AXDND1: variants seen among roughly 807,000 people sequenced by gnomAD.
AXDND1 encodes axonemal dynein light chain domain containing 1.
AXDND1 carries 110 observed loss-of-function variants against 137.5 expected under a neutral mutation model. The ratio of observed to expected loss-of-function variants is 0.80; its 90% CI spans 0.69 to 0.94. The LOEUF (loss-of-function observed/expected upper bound fraction) is 0.94, where lower values mean the gene tolerates loss of function less well. AXDND1 is among the 40% of genes least tolerant of loss of function. The probability of loss-of-function intolerance (pLI) is 0.00; values close to 1 mark genes in which losing one functional copy is unlikely to be tolerated. For missense variants in AXDND1, 1,191 were observed against 1,169.8 expected (o/e 1.02, Z -0.26); for synonymous variants, 414 against 399.7 (o/e 1.04, Z -0.43).
At chr1:179,377,281 T>A (rs1647425764) in intron 4 of AXDND1, among the ~76,000 whole-genome samples, 1 of 152,204 alleles carries the variant, frequency 6.6e-6, no homozygotes, top group Non-Finnish European at 1.5e-5. Flanking sequence ...TAGAATCAGT[T>A]CCATGAGGGT....
chr1:179,533,908 A>C (rs775463499), intron 24 of AXDND1, 31 bp downstream of exon 24: 3 of 1,587,168 alleles, frequency 1.9e-6, no homozygotes, highest in Non-Finnish European at 2.6e-6. Flanking sequence ...TGGTAAGAGG[A>C]TGAAAATGGC....
At position 179,433,448 on chromosome 1, in the gene AXDND1, G is replaced by T. The variant is rs184463372; in HGVS notation, c.1563+1106G>T. ...TTTTGCTTCTCCAGTTATTCTAATT[G>T]TGATGTTAGGGTGTTGATTTGAGAT... is the stretch of plus-strand genomic sequence containing the variant. On this transcript the variant is annotated intron_variant, in intron 15 of 25. Coordinates refer to ENST00000367618, the MANE Select transcript of AXDND1 (RefSeq NM_144696.6). Among the ~76,000 whole-genome samples, 802 of 152,218 alleles carry T rather than the reference G, an allele frequency of 5.3e-3. 9 individuals carry two copies. Among genetic ancestry groups the T allele is most frequent in the African/African-American group, 0.019 (778 of 41,514 alleles).
At chr1:179,538,494 G>T (rs2125718287) in intron 25 of AXDND1, among the ~76,000 whole-genome samples, 1 of 152,274 alleles carries the variant, frequency 6.6e-6, no homozygotes, top group East Asian at 1.9e-4. Context: ...CCATGTTGTT[G>T]TGTGGTTTTG....
At chr1:179,392,050 G>A (rs933875615) in intron 9 of AXDND1, among the ~76,000 whole-genome samples, 15 of 152,130 alleles carry the variant, frequency 9.9e-5, no homozygotes, top group African/African-American at 2.7e-4. Flanking sequence ...AGCGCTGTGA[G>A]AATGGACTAA....
chr1:179,366,276 C>T lies in AXDND1; in HGVS notation c.-106-128C>T, dbSNP rs1667385915. On this transcript the variant is annotated intron_variant, in intron 1 of 25. Coordinates refer to ENST00000367618, the MANE Select transcript of AXDND1 (RefSeq NM_144696.6). The stretch of plus-strand genomic sequence containing the variant: ...GCTTCTTAGTCGCTACACATAACCC[C>T]AGAACATAGAGGTCGCCCCGAAGAA... 2.3e-5 allele frequency: 9 copies of T among 387,150 alleles called. No individual in the cohort carries two copies. In the South Asian group the frequency reaches 2.4e-4, roughly 10 times the overall value. 24.0% of individuals were successfully genotyped at this position (387,150 alleles called of 1,614,324 possible).
chr1:179,423,640 G>A (rs529909011), intron 12 of AXDND1, among the ~76,000 whole-genome samples: 119 of 151,676 alleles, frequency 7.8e-4, no homozygotes, highest in African/African-American at 2.9e-3. Context: ...AAAAAACATT[G>A]TATAACAGGT....
chr1:179,457,443 A>G (rs1392803482), intron 16 of AXDND1: 1 of 270,758 alleles, frequency 3.7e-6, no homozygotes, highest in Non-Finnish European at 7.1e-6. Flanking sequence ...ACTCAGGATT[A>G]TTTAGAAGAT....
intron 11 of AXDND1, among the ~76,000 whole-genome samples, chr1:179,399,569 T>A (rs111683235): frequency 2.0e-4 from 31 of 152,232 alleles, no homozygotes; most frequent in African/African-American, 7.0e-4. Flanking sequence ...AACAAAGATA[T>A]ATATCTGGGA....
At chr1:179,418,856 C>T (rs893598470) in intron 12 of AXDND1, among the ~76,000 whole-genome samples, 11 of 151,834 alleles carry the variant, frequency 7.2e-5, no homozygotes, top group Non-Finnish European at 1.0e-4. Flanking sequence ...CCTCACTTCT[C>T]AGACGGGGCT....
Position 179,366,521 on chromosome 1 carries a change from G to C in AXDND1, c.12G>C (p.Pro4=). 1 of 1,612,884 alleles carries C rather than the reference G, an allele frequency of 6.2e-7. No individual in the cohort carries two copies. Among genetic ancestry groups the C allele is most frequent in the Non-Finnish European group, 8.5e-7 (1 of 1,179,104 alleles). Residue 4 remains proline (P), a synonymous_variant, in exon 2 of 26, where the codon CCG becomes CCC. Transcript: ENST00000367618. ...AGGCATTGTTTATTATGTCTCTCCCGAAAACGCCCTCCACCCCGCTAAACT... is the reference window on the plus strand; with the variant it reads ...AGGCATTGTTTATTATGTCTCTCCCCAAAACGCCCTCCACCCCGCTAAACT... The part of the protein sequence containing the change: MSL[P]KTPSTPLNST...
chr1:179,366,569 A>G lies in AXDND1; in HGVS notation c.60A>G (p.Lys20=), dbSNP rs1344077870. The part of the protein sequence containing the change: ...PLNSTSTSES[K]KLKVSVAKEG... Reference sequence around the variant, plus strand: ...ACTCTACATCAACATCTGAGAGCAAAAAGTTAAAAGTGTCTGTAGCCAAGG... The same window carrying G: ...ACTCTACATCAACATCTGAGAGCAAGAAGTTAAAAGTGTCTGTAGCCAAGG... Residue 20 remains lysine, a synonymous_variant, in exon 2 of 26, where the codon AAA becomes AAG. Coordinates refer to ENST00000367618, the MANE Select transcript of AXDND1 (RefSeq NM_144696.6). 2 of 1,613,672 alleles carry G rather than the reference A, an allele frequency of 1.2e-6. No homozygotes were observed. Among genetic ancestry groups the G allele is most frequent in the African/African-American group, 1.3e-5 (1 of 74,898 alleles).
Position 179,552,638 on chromosome 1 carries a change from C to T in AXDND1, c.3032-1874C>T, listed in dbSNP as rs769104577. 4 of 1,614,002 alleles carry T rather than the reference C, an allele frequency of 2.5e-6. No individual in the cohort carries two copies. The South Asian group carries it at 4.4e-5, about 18-fold the overall frequency. On this transcript the variant is annotated intron_variant, in intron 25 of 25. Transcript: ENST00000367618. ...GCTTGTCTTTGCGCTTCAGCCTCCA[C>T]AGCCAGTGAGTGCTGAAGCCCAGCT... is the stretch of plus-strand genomic sequence containing the variant.
At chr1:179,459,345 AT>A in intron 16 of AXDND1, among the ~76,000 whole-genome samples, 1 of 152,288 alleles carries the variant, frequency 6.6e-6, no homozygotes, top group Non-Finnish European at 1.5e-5. Context: ...AAAATTATAT[AT>A]GTAATATAAT....
chr1:179,470,354 T>C (rs1172829450), intron 17 of AXDND1, among the ~76,000 whole-genome samples: 2 of 152,142 alleles, frequency 1.3e-5, no homozygotes, highest in Non-Finnish European at 2.9e-5. Context: ...TACAAAGACA[T>C]TAACTAGGAT....
chr1:179,492,799 T>C, intron 19 of AXDND1, 56 bp from the exon 20 acceptor site: 1 of 1,190,040 alleles, frequency 8.4e-7, no homozygotes, highest in Non-Finnish European at 1.2e-6. Flanking sequence ...AATAAATAGG[T>C]TATGCTGAGT....
chr1:179,478,190 C>G (rs1196293471), intron 17 of AXDND1, among the ~76,000 whole-genome samples: 1 of 152,160 alleles, frequency 6.6e-6, no homozygotes, highest in Non-Finnish European at 1.5e-5. Flanking sequence ...ATCTACCATT[C>G]TGGGGTCTGG....
intron 21 of AXDND1, 73 bp from the exon 22 acceptor site, chr1:179,525,261 A>C: frequency 7.0e-7 from 1 of 1,427,344 alleles, no homozygotes. Flanking sequence ...ATTAGTGCTC[A>C]TTAAATATTT....
intron 17 of AXDND1, among the ~76,000 whole-genome samples, chr1:179,476,895 A>G (rs889933118): frequency 1.3e-5 from 2 of 152,146 alleles, no homozygotes; most frequent in Admixed American, 6.5e-5. Context: ...TTGTTTTTCA[A>G]TAAATTTGGA....
chr1:179,411,337 GTTTTTT>G, intron 12 of AXDND1, 71 bp downstream of exon 12: 1 of 1,553,724 alleles, frequency 6.4e-7, no homozygotes, highest in East Asian at 2.4e-5. Flanking sequence ...TTTAAAATTT[GTTTTTT>G]TTGTTTTGTT....
Sources: gnomAD v4.1 joint callset for allele counts (sites outside exome capture counted in the v4.1 genomes callset) on GRCh38, gnomAD v4.1.1 for gene constraint, MANE v1.5 for transcripts, NCBI Gene and HGNC (gene_info 2026-07-23, HGNC 2026-07-21) for gene names.